Variants in UBASH3B observed in about 807,000 individuals in gnomAD.
The protein encoded by UBASH3B is ubiquitin-associated and SH3 domain-containing protein B.
UBASH3B carries 37 observed loss-of-function variants against 83.4 expected under a neutral mutation model. The observed-to-expected ratio is 0.44, with a 90% CI of 0.34 to 0.58. UBASH3B has a LOEUF of 0.58. UBASH3B is among the 20% of genes least tolerant of loss of function. UBASH3B has a pLI of 0.01. For synonymous variants in UBASH3B, 304 were observed against 318.3 expected, an observed-to-expected ratio of 0.96 and a Z score of 0.48; for missense variants, 657 against 827.2, an observed-to-expected ratio of 0.79 and a Z score of 2.52.
intron 1 of UBASH3B, among the ~76,000 whole-genome samples, chr11:122,677,991 A>G (rs1863689869): frequency 6.6e-6 from 1 of 152,200 alleles, no homozygotes; most frequent in African/African-American, 2.4e-5. Context: ...GGATTTTGCC[A>G]TGTTGGCAAG....
At chr11:122,715,427 A>C (rs898441967) in intron 1 of UBASH3B, among the ~76,000 whole-genome samples, 1 of 152,224 alleles carries the variant, frequency 6.6e-6, no homozygotes, top group Non-Finnish European at 1.5e-5. Context: ...GTTAAGAATG[A>C]GGTGGTGCAT....
chr11:122,793,841 C>T (rs977746048), intron 6 of UBASH3B, among the ~76,000 whole-genome samples: 1 of 151,954 alleles, frequency 6.6e-6, no homozygotes, highest in Admixed American at 6.6e-5. Flanking sequence ...TTGTTGGAGG[C>T]GTGATTGAGG....
intron 1 of UBASH3B, 162 bp from the exon 2 acceptor site, chr11:122,776,057 A>G (rs1217674423): frequency 3.4e-6 from 2 of 590,534 alleles, no homozygotes; most frequent in Non-Finnish European, 5.9e-6. Context: ...ATATGTCTTG[A>G]TATGACCCTT....
intron 8 of UBASH3B, among the ~76,000 whole-genome samples, chr11:122,796,571 A>G (rs1040622214): frequency 1.3e-5 from 2 of 152,138 alleles, no homozygotes; most frequent in African/African-American, 2.4e-5. Flanking sequence ...AGTTCCTGCC[A>G]TTAAATCTCC....
intron 10 of UBASH3B, among the ~76,000 whole-genome samples, chr11:122,799,343 C>T (rs1286285023): frequency 1.3e-5 from 2 of 151,988 alleles, no homozygotes; most frequent in African/African-American, 4.8e-5. Context: ...CAAAATTAGC[C>T]AGGTGTAGTG....
intron 6 of UBASH3B, among the ~76,000 whole-genome samples, chr11:122,793,959 C>G (rs73617923): frequency 0.014 from 2,137 of 152,228 alleles, 49 homozygotes; most frequent in African/African-American, 0.049. Context: ...AAAATACCCC[C>G]CATCACTCTT....
intron 11 of UBASH3B, among the ~76,000 whole-genome samples, chr11:122,801,548 A>T (rs1453652143): frequency 6.6e-6 from 1 of 152,032 alleles, no homozygotes; most frequent in East Asian, 1.9e-4. Context: ...CTCCAGCCTC[A>T]CCCCCGTGTT....
At chr11:122,787,147 G>T (rs1831656272) in intron 5 of UBASH3B, among the ~76,000 whole-genome samples, 1 of 152,202 alleles carries the variant, frequency 6.6e-6, no homozygotes, top group Admixed American at 6.5e-5. Context: ...TTGTTTCCCT[G>T]TGACTCGGTG....
At chr11:122,760,650 T>C (rs1861356124) in intron 1 of UBASH3B, among the ~76,000 whole-genome samples, 1 of 152,148 alleles carries the variant, frequency 6.6e-6, no homozygotes, top group African/African-American at 2.4e-5. Context: ...TGTGAGCCAC[T>C]GCACCCAGCC....
intron 1 of UBASH3B, among the ~76,000 whole-genome samples, chr11:122,662,043 G>A (rs898976368): frequency 6.6e-6 from 1 of 151,792 alleles, no homozygotes; most frequent in African/African-American, 2.4e-5. Context: ...AAGTAGCTAG[G>A]ACTACAGGTA....
At chr11:122,673,618 C>T (rs1863628819) in intron 1 of UBASH3B, among the ~76,000 whole-genome samples, 1 of 152,192 alleles carries the variant, frequency 6.6e-6, no homozygotes, top group Admixed American at 6.5e-5. Flanking sequence ...GAGATGGCTC[C>T]ACTGCACTCC....
chr11:122,740,060 T>C (rs1466161461), intron 1 of UBASH3B, among the ~76,000 whole-genome samples: 7 of 152,222 alleles, frequency 4.6e-5, no homozygotes. Context: ...TGCCATTTGA[T>C]TCCATTTTGT....
Position 122,803,545 on chromosome 11 carries a change from G to T in UBASH3B, c.1595+2213G>T, listed in dbSNP as rs569365756. ...AGGCAGCAAGACCAGCCCAGGGCCT[G>T]GGGGGGTTGAAAACAACCCCAGCCT... On this transcript the variant is annotated intron_variant, in intron 11 of 13. Coordinates refer to ENST00000284273, the MANE Select transcript of UBASH3B (RefSeq NM_032873.5). Among the ~76,000 whole-genome samples the T allele has an allele frequency of 4.9e-5, 7 of 143,788 alleles. No individual in the cohort carries two copies. The East Asian group carries it at 7.8e-4, about 16-fold the overall frequency. 94.3% of individuals were successfully genotyped at this position (143,788 alleles called of 152,430 possible).
intron 1 of UBASH3B, among the ~76,000 whole-genome samples, chr11:122,674,843 C>G (rs534033407): frequency 6.7e-6 from 1 of 150,372 alleles, no homozygotes; most frequent in South Asian, 2.1e-4. Context: ...ATTCTCCTGT[C>G]TCAGCCTCCT....
rs749745658 is a variant in UBASH3B at position 122,776,280 on chromosome 11, T to C, written c.215+8T>C. On this transcript the variant is annotated splice_region_variant and intron_variant, in intron 2 of 13. Transcript: ENST00000284273. ...TCAGGCAGCATGTGACTGGTTGGTA[T>C]GAGATAAATAAATTGAGAAAATAGC... is the stretch of plus-strand genomic sequence containing the variant. 8 of 1,601,104 alleles carry C rather than the reference T, an allele frequency of 5.0e-6. No homozygotes were observed. The African/African-American group carries it at 1.1e-4, about 22-fold the overall frequency.
chr11:122,749,330 C>A (rs925008858), intron 1 of UBASH3B, among the ~76,000 whole-genome samples: 2 of 152,256 alleles, frequency 1.3e-5, no homozygotes, highest in Non-Finnish European at 2.9e-5. Flanking sequence ...ATAATTAGCA[C>A]AGACTTATTA....
intron 10 of UBASH3B, among the ~76,000 whole-genome samples, chr11:122,800,469 G>C (rs1309232015): frequency 6.6e-6 from 1 of 150,870 alleles, no homozygotes; most frequent in African/African-American, 2.4e-5. Context: ...CAGGAGAATT[G>C]CTTGAACCCA....
At chr11:122,773,026 T>C (rs1033709211) in intron 1 of UBASH3B, among the ~76,000 whole-genome samples, 1 of 152,224 alleles carries the variant, frequency 6.6e-6, no homozygotes, top group African/African-American at 2.4e-5. Context: ...TATCATCCAA[T>C]GGGTGCATTT....
chr11:122,709,583 T>C (rs1864164601), intron 1 of UBASH3B: 2 of 152,274 alleles, frequency 1.3e-5, no homozygotes, highest in African/African-American at 2.4e-5. Flanking sequence ...GATTCCCTTA[T>C]TAAAGAGAAT....
Sources: gnomAD v4.1 joint callset for allele counts (sites outside exome capture counted in the v4.1 genomes callset) on GRCh38, gnomAD v4.1.1 for gene constraint, MANE v1.5 for transcripts, NCBI Gene and HGNC (gene_info 2026-07-23, HGNC 2026-07-21) for gene names.